The following XKR9 variants were observed in gnomAD, a reference collection of about 807,000 sequenced individuals.
XKR9 encodes the protein XK related 9, also known as XK-related protein 9.
In XKR9, 32 loss-of-function variants were observed where a neutral mutation model predicts 32.0. That is an observed-to-expected ratio of 1.00 (90% CI 0.76 to 1.34). XKR9 has a LOEUF of 1.34. Ranked by LOEUF, XKR9 falls within the 40% of genes most tolerant of loss-of-function variation. The probability of loss-of-function intolerance (pLI) is 0.00; values close to 1 mark genes in which losing one functional copy is unlikely to be tolerated. For missense variants in XKR9, 546 were observed against 429.7 expected, an observed-to-expected ratio of 1.27 and a Z score of -2.39; for synonymous variants, 168 against 143.4, an observed-to-expected ratio of 1.17 and a Z score of -1.22.
the XKR9 span, among the ~76,000 whole-genome samples, chr8:71,003,572 G>A: frequency 6.6e-6 from 1 of 152,076 alleles, no homozygotes. Context: ...CTCCTGCAAA[G>A]GCTCTTTGCT....
the XKR9 span, among the ~76,000 whole-genome samples, chr8:70,818,972 A>G: frequency 6.6e-6 from 1 of 152,338 alleles, no homozygotes; most frequent in East Asian, 1.9e-4. Context: ...GCCGAATAGT[A>G]ATGTGCCTCT....
At chr8:70,806,941 G>C in the XKR9 span, among the ~76,000 whole-genome samples, 1 of 151,992 alleles carries the variant, frequency 6.6e-6, no homozygotes, top group African/African-American at 2.4e-5. Context: ...TCCACAAGCA[G>C]ATCAACCCCC....
At chr8:71,054,717 A>G in the XKR9 span, among the ~76,000 whole-genome samples, 1 of 152,196 alleles carries the variant, frequency 6.6e-6, no homozygotes, top group Non-Finnish European at 1.5e-5. Flanking sequence ...CCATATCCTT[A>G]TACTTAATAT....
the XKR9 span, among the ~76,000 whole-genome samples, chr8:70,842,724 A>G: frequency 0.31 from 47,593 of 152,100 alleles, 8,955 homozygotes; most frequent in Non-Finnish European, 0.43. Flanking sequence ...GGCTGTCCCT[A>G]CTTCCTAACT....
rs1586874474 is a variant in XKR9, at chr8:70,735,626, A to G, written c.*1202A>G. 1 of 86,766 alleles carries G rather than the reference A, an allele frequency of 1.2e-5. No homozygotes were observed. The highest frequency in any genetic ancestry group is 2.1e-5 in the Non-Finnish European group (1 of 48,474). The allele number at this position is 86,766 out of a possible 1,614,324, so 5.4% of individuals were successfully genotyped here. A position where few individuals can be genotyped will look rare whatever the true frequency, so the allele number is the denominator to read the frequency against. ...TATCCCTCCCCCCTCCCCCCACCCC[A>G]CAACAGTCCCCAGAGTGTGATGATC... On this transcript the variant is annotated 3_prime_UTR_variant, in exon 5 of 5. Transcript: ENST00000408926.
Position 70,706,910 on chromosome 8 carries a change from A to T in XKR9, c.273-23A>T, listed in dbSNP as rs1805734929. 5 of 1,558,458 alleles carry T rather than the reference A, an allele frequency of 3.2e-6. No homozygotes were observed. The East Asian group carries it at 1.1e-4, about 35-fold the overall frequency. ...TTACAAAGAATATAAAACTAAAGAGAAATGTTTATGTTTACTTTATAGGTA... is the reference window on the plus strand; with the variant it reads ...TTACAAAGAATATAAAACTAAAGAGTAATGTTTATGTTTACTTTATAGGTA... On this transcript the variant is annotated intron_variant, in intron 3 of 4. Transcript: ENST00000408926.
At chr8:70,880,012 C>A in the XKR9 span, among the ~76,000 whole-genome samples, 26 of 152,218 alleles carry the variant, frequency 1.7e-4, no homozygotes, top group South Asian at 1.7e-3. Context: ...TAAACAGAAC[C>A]AATGACAAAG....
At chr8:71,031,281 A>G in the XKR9 span, among the ~76,000 whole-genome samples, 1 of 152,158 alleles carries the variant, frequency 6.6e-6, no homozygotes, top group Middle Eastern at 3.2e-3. Context: ...TCCTTCTTCC[A>G]TATATAGAAA....
intron 4 of XKR9, among the ~76,000 whole-genome samples, chr8:70,713,617 A>T (rs1473717302): frequency 6.6e-6 from 1 of 152,112 alleles, no homozygotes; most frequent in African/African-American, 2.4e-5. Context: ...ATGAATATTG[A>T]ATATTCTAAA....
At chr8:70,762,259 A>G (rs764951782) in intron 2 of XKR9, among the ~76,000 whole-genome samples, 1 of 152,192 alleles carries the variant, frequency 6.6e-6, no homozygotes, top group African/African-American at 2.4e-5. Context: ...AACAAAAACT[A>G]TATAATCATT....
At chr8:70,753,509 G>A (rs28764853) in intron 2 of XKR9, among the ~76,000 whole-genome samples, 146 of 152,190 alleles carry the variant, frequency 9.6e-4, no homozygotes, top group East Asian at 5.8e-4. Flanking sequence ...TGTTGCAAAA[G>A]TCCTCAATAA....
the XKR9 span, among the ~76,000 whole-genome samples, chr8:70,898,973 G>C: frequency 2.0e-5 from 3 of 152,104 alleles, no homozygotes; most frequent in South Asian, 4.1e-4. Context: ...GAGTGTAGTG[G>C]TGCAATCATA....
chr8:70,826,459 A>C, the XKR9 span, among the ~76,000 whole-genome samples: 3 of 105,966 alleles, frequency 2.8e-5, no homozygotes, highest in South Asian at 2.3e-4. Flanking sequence ...GGAAGACATC[A>C]GTTTAATTAA....
the XKR9 span, among the ~76,000 whole-genome samples, chr8:70,808,630 T>C: frequency 6.6e-6 from 1 of 152,178 alleles, no homozygotes; most frequent in Non-Finnish European, 1.5e-5. Flanking sequence ...TCTTAGCAAA[T>C]GGCACACCAG....
At chr8:70,871,099 G>A in the XKR9 span, among the ~76,000 whole-genome samples, 1 of 151,972 alleles carries the variant, frequency 6.6e-6, no homozygotes, top group Admixed American at 6.6e-5. Context: ...AAACAGTAAA[G>A]GAATAATGTT....
chr8:70,685,038 G>A (rs268640), intron 3 of XKR9, among the ~76,000 whole-genome samples: 38,612 of 136,192 alleles, frequency 0.28, 6,056 homozygotes, highest in East Asian at 0.61. Flanking sequence ...ATAAAGACAC[G>A]TGCACACGTA....
At chr8:70,728,576 T>G (rs1434279592) in intron 4 of XKR9, among the ~76,000 whole-genome samples, 2 of 152,196 alleles carry the variant, frequency 1.3e-5, no homozygotes, top group Non-Finnish European at 2.9e-5. Flanking sequence ...AGCATTAGTT[T>G]GGGAACTTGT....
chr8:70,902,083 G>T, the XKR9 span, among the ~76,000 whole-genome samples: 2 of 152,192 alleles, frequency 1.3e-5, no homozygotes, highest in Non-Finnish European at 2.9e-5. Context: ...AAGTCAGGTA[G>T]CATGATACCT....
chr8:70,728,748 ATG>A (rs1466539938), intron 4 of XKR9, among the ~76,000 whole-genome samples: 13 of 152,232 alleles, frequency 8.5e-5, no homozygotes, highest in African/African-American at 3.1e-4. Context: ...TGTTTACAAA[ATG>A]AACTTTAGTC....
Sources: allele counts gnomAD v4.1 joint callset (sites outside exome capture counted in the v4.1 genomes callset), GRCh38; gene constraint gnomAD v4.1.1; transcripts MANE v1.5; gene names NCBI Gene and HGNC (gene_info 2026-07-23, HGNC 2026-07-21).